Variants in SLC44A5 observed in about 807,000 individuals in gnomAD.
SLC44A5 encodes solute carrier family 44 member 5.
Under a neutral mutation model 101.8 loss-of-function variants are expected in SLC44A5, and 57 were observed. The ratio of observed to expected loss-of-function variants is 0.56; its 90% CI spans 0.45 to 0.70. SLC44A5 has a LOEUF of 0.70. Among genes scored for constraint, SLC44A5 ranks in the 30% least tolerant of loss-of-function variants. SLC44A5 has a pLI of 0.00. For missense variants in SLC44A5, 737 were observed against 853.1 expected (o/e 0.86, Z 1.70); for synonymous variants, 281 against 290.9 (o/e 0.97, Z 0.35).
At chr1:75,598,094 GA>G (rs535936307) in intron 1 of SLC44A5, among the ~76,000 whole-genome samples, 8 of 149,474 alleles carry the variant, frequency 5.4e-5, no homozygotes, top group African/African-American at 9.8e-5. Flanking sequence ...AAATGTACAA[GA>G]AAAAAAAACC....
rs552272921 is a variant in SLC44A5 at position 75,310,253 on chromosome 1, G to A, written c.102-9568C>T. ...CTGCAGTTGGCAGTCCTGAGCTGGG[G>A]TGGTGCATCATCCAGGGATGCCATT... On this transcript the variant is annotated intron_variant, in intron 4 of 23. Coordinates refer to ENST00000370859, the MANE Select transcript of SLC44A5 (RefSeq NM_001130058.2). Among the ~76,000 whole-genome samples the A allele has an allele frequency of 5.9e-5, 9 of 152,270 alleles. No individual in the cohort carries two copies. In the Middle Eastern group the frequency reaches 0.01, roughly 173 times the overall value.
chr1:75,479,435 A>T (rs1252917510), intron 2 of SLC44A5, among the ~76,000 whole-genome samples: 1 of 152,202 alleles, frequency 6.6e-6, no homozygotes, highest in East Asian at 1.9e-4. Flanking sequence ...GACACAAAAA[A>T]CCCTTCAAAA....
chr1:75,464,647 C>CA (rs1276241316), intron 2 of SLC44A5, among the ~76,000 whole-genome samples: 1 of 151,800 alleles, frequency 6.6e-6, no homozygotes, highest in Non-Finnish European at 1.5e-5. Flanking sequence ...CTGTTGCCTA[C>CA]AAAAAATACA....
intron 1 of SLC44A5, among the ~76,000 whole-genome samples, chr1:75,588,665 G>A (rs1183238846): frequency 6.6e-6 from 1 of 152,126 alleles, no homozygotes; most frequent in African/African-American, 2.4e-5. Flanking sequence ...CGGCATGATA[G>A]AAAACTGAAT....
the SLC44A5 span, among the ~76,000 whole-genome samples, chr1:75,633,414 T>A: frequency 2.6e-5 from 4 of 152,176 alleles, no homozygotes; most frequent in Non-Finnish European, 5.9e-5. Context: ...GGTTTGTAGT[T>A]CTCCTTGAAG....
the SLC44A5 span, among the ~76,000 whole-genome samples, chr1:75,641,053 C>T: frequency 1.3e-5 from 2 of 151,930 alleles, no homozygotes; most frequent in African/African-American, 4.8e-5. Context: ...ACAAGTCTTC[C>T]CCAAAAAGGA....
chr1:75,392,180 T>C (rs1454951659), intron 3 of SLC44A5, among the ~76,000 whole-genome samples: 1 of 151,844 alleles, frequency 6.6e-6, no homozygotes, highest in Non-Finnish European at 1.5e-5. Context: ...GGGACCTAAT[T>C]AAACTGAAGA....
chr1:75,312,080 C>T (rs10874149), intron 4 of SLC44A5, among the ~76,000 whole-genome samples: 80,346 of 151,872 alleles, frequency 0.53, 22,109 homozygotes, highest in East Asian at 0.85. Context: ...CCCATACTGT[C>T]CTCATGGTAA....
At chr1:75,625,173 G>A in the SLC44A5 span, among the ~76,000 whole-genome samples, 1 of 152,062 alleles carries the variant, frequency 6.6e-6, no homozygotes, top group Non-Finnish European at 1.5e-5. Context: ...CATATGGTGG[G>A]ACTTCCCTTG....
intron 1 of SLC44A5, among the ~76,000 whole-genome samples, chr1:75,565,342 A>G (rs1288477369): frequency 6.6e-6 from 1 of 152,234 alleles, no homozygotes; most frequent in African/African-American, 2.4e-5. Flanking sequence ...GACAAAGAGA[A>G]GTCTAGAGAG....
the SLC44A5 span, among the ~76,000 whole-genome samples, chr1:75,665,821 A>G: frequency 4.6e-5 from 7 of 152,186 alleles, no homozygotes; most frequent in Non-Finnish European, 4.4e-5. Context: ...ATGAACAGAC[A>G]TTTCTGAAAA....
chr1:75,276,410 CTGTAA>C (rs1651922531), intron 5 of SLC44A5, among the ~76,000 whole-genome samples: 1 of 152,078 alleles, frequency 6.6e-6, no homozygotes, highest in Admixed American at 6.6e-5. Context: ...ACCTATTTTT[CTGTAA>C]TGTTTTTAAA....
intron 2 of SLC44A5, among the ~76,000 whole-genome samples, chr1:75,501,185 TA>T (rs5775290): frequency 6.6e-6 from 1 of 151,694 alleles, no homozygotes; most frequent in Non-Finnish European, 1.5e-5. Flanking sequence ...TGAACATTAA[TA>T]AAAAAACATA....
chr1:75,425,996 C>T (rs563001209), intron 2 of SLC44A5, among the ~76,000 whole-genome samples: 2 of 152,208 alleles, frequency 1.3e-5, no homozygotes, highest in East Asian at 1.9e-4. Context: ...TTTTATTTGT[C>T]TCTAGAGAAT....
chr1:75,283,268 A>G (rs1203646875), intron 5 of SLC44A5, among the ~76,000 whole-genome samples: 1 of 151,796 alleles, frequency 6.6e-6, no homozygotes, highest in African/African-American at 2.4e-5. Flanking sequence ...GCATTCTTTC[A>G]TGTGTTTGTT....
chr1:75,602,820 T>C (rs905419722), intron 1 of SLC44A5, among the ~76,000 whole-genome samples: 1 of 152,170 alleles, frequency 6.6e-6, no homozygotes. Context: ...TTTTGTTAAA[T>C]TTTATGACTT....
chr1:75,642,510 T>C, the SLC44A5 span, among the ~76,000 whole-genome samples: 19 of 152,246 alleles, frequency 1.2e-4, no homozygotes, highest in African/African-American at 4.3e-4. Context: ...AAAATGTAAT[T>C]TAATTATAAA....
At chr1:75,595,311 A>C (rs972256751) in intron 1 of SLC44A5, among the ~76,000 whole-genome samples, 17 of 152,188 alleles carry the variant, frequency 1.1e-4, no homozygotes, top group African/African-American at 4.1e-4. Flanking sequence ...CACACAACCC[A>C]TTCCATTGTC....
At chr1:75,475,218 T>A (rs1184914748) in intron 2 of SLC44A5, among the ~76,000 whole-genome samples, 1 of 152,240 alleles carries the variant, frequency 6.6e-6, no homozygotes, top group Non-Finnish European at 1.5e-5. Flanking sequence ...GGCCTTTATG[T>A]CCTCTTTCTA....
Sources: gnomAD v4.1 joint callset for allele counts (sites outside exome capture counted in the v4.1 genomes callset) on GRCh38, gnomAD v4.1.1 for gene constraint, MANE v1.5 for transcripts, NCBI Gene and HGNC (gene_info 2026-07-23, HGNC 2026-07-21) for gene names.